Variants in GNG4 observed in about 807,000 individuals in gnomAD.
GNG4 encodes the protein G protein subunit gamma 4, also known as guanine nucleotide-binding protein G(I)/G(S)/G(O) subunit gamma-4.
Under a neutral mutation model 5.8 loss-of-function variants are expected in GNG4, and 4 were observed. The ratio of observed to expected loss-of-function variants is 0.69; its 90% confidence interval spans 0.34 to 1.57. The LOEUF is 1.57. Ranked by LOEUF, GNG4 falls within the 40% of genes most tolerant of loss-of-function variation. The pLI is 0.06. For synonymous variants in GNG4, 29 were observed against 32.9 expected (o/e 0.88, Z 0.41); for missense variants, 96 against 95.1 (o/e 1.01, Z -0.04).
intron 1 of GNG4, among the ~76,000 whole-genome samples, chr1:235,618,731 C>G (rs1203774099): frequency 6.6e-6 from 1 of 151,522 alleles, no homozygotes; most frequent in African/African-American, 2.4e-5. Context: ...TCTCGGCTCA[C>G]TGCAACCTCT....
At chr1:235,560,201 T>C (rs1180852637) in intron 3 of GNG4, among the ~76,000 whole-genome samples, 3 of 152,202 alleles carry the variant, frequency 2.0e-5, no homozygotes, top group Non-Finnish European at 4.4e-5. Context: ...GATGCCATCA[T>C]ATATTGCCGT....
At chr1:235,594,899 G>A (rs775379446) in intron 2 of GNG4, among the ~76,000 whole-genome samples, 46 of 152,222 alleles carry the variant, frequency 3.0e-4, no homozygotes, top group Admixed American at 1.4e-3. Context: ...AGGAGGCGCC[G>A]AGAGCGAGCA....
chr1:235,583,882 C>T, intron 2 of GNG4, 34 bp from the exon 3 acceptor site: 2 of 1,388,576 alleles, frequency 1.4e-6, no homozygotes, highest in Non-Finnish European at 1.0e-6. Context: ...GTTAGAAGAG[C>T]TGCTCTTCCA....
Position 235,567,131 on chromosome 1 carries a change from G to A in GNG4, c.100-14894C>T, listed in dbSNP as rs61836232. Among the ~76,000 whole-genome samples, 8 of 151,656 alleles carry A rather than the reference G, an allele frequency of 5.3e-5. 1 individual carries two copies. The highest frequency in any genetic ancestry group is 4.2e-4 in the South Asian group (2 of 4,812). On this transcript the variant is annotated intron_variant, in intron 3 of 3. Transcript: ENST00000391854. Reference sequence around the variant, plus strand: ...AAAAATTTAGTAGAGATGTGGTCTCGCTATGTTTCCCAGACTGGTCTCAAA... The same window carrying A: ...AAAAATTTAGTAGAGATGTGGTCTCACTATGTTTCCCAGACTGGTCTCAAA...
chr1:235,573,029 T>G (rs998217437), intron 3 of GNG4, among the ~76,000 whole-genome samples: 1 of 152,160 alleles, frequency 6.6e-6, no homozygotes, highest in Non-Finnish European at 1.5e-5. Context: ...CATGCACATG[T>G]ATGTTTATTG....
chr1:235,632,741 A>G (rs748028794), intron 1 of GNG4, among the ~76,000 whole-genome samples: 7 of 152,234 alleles, frequency 4.6e-5, no homozygotes, highest in Non-Finnish European at 1.0e-4. Flanking sequence ...GACTTGGCAC[A>G]TTCCTAGAAT....
rs1225588120 is a variant in GNG4, at chr1:235,562,090, C to A, written c.100-9853G>T. 6.6e-5 allele frequency among the ~76,000 whole-genome samples: 10 copies of A among 152,268 alleles called. No individual in the cohort carries two copies. In the East Asian group the frequency reaches 1.9e-3, roughly 29 times the overall value. ...TCTTTGCTTCATGGTATTGGCTTTGCACCTTTGTCAAAGATCAGCTGGCTA... is the reference window on the plus strand; with the variant it reads ...TCTTTGCTTCATGGTATTGGCTTTGAACCTTTGTCAAAGATCAGCTGGCTA... On this transcript the variant is annotated intron_variant, in intron 3 of 3. Transcript: ENST00000391854.
At chr1:235,575,016 G>T (rs1454151231) in intron 3 of GNG4, among the ~76,000 whole-genome samples, 1 of 152,050 alleles carries the variant, frequency 6.6e-6, no homozygotes, top group Non-Finnish European at 1.5e-5. Context: ...GTAGAGATGG[G>T]ATTTCACCAC....
At chr1:235,617,627 G>A (rs1688622604) in intron 1 of GNG4, among the ~76,000 whole-genome samples, 1 of 152,310 alleles carries the variant, frequency 6.6e-6, no homozygotes, top group East Asian at 1.9e-4. Flanking sequence ...GCTCACGCCT[G>A]TAATCCCAGC....
Position 235,648,269 on chromosome 1 carries a change from G to T in GNG4, c.-123+1393C>A, listed in dbSNP as rs1332431231. Among the ~76,000 whole-genome samples, 2 of 152,126 alleles carry T rather than the reference G, an allele frequency of 1.3e-5. No homozygotes were observed. Among genetic ancestry groups the T allele is most frequent in the Non-Finnish European group, 2.9e-5 (2 of 68,026 alleles). On this transcript the variant is annotated intron_variant, in intron 1 of 3. Coordinates refer to ENST00000391854, the MANE Select transcript of GNG4 (RefSeq NM_001098722.2). This position sits in a 1 kb window ranked among gnomAD's most constrained non-coding sequence, Gnocchi z 5.0. ...CCCATGGTGAGGCTGCTCATTAACAGGCAAGGCATCACTGTAAACCTTGCA... is the reference window on the plus strand; with the variant it reads ...CCCATGGTGAGGCTGCTCATTAACATGCAAGGCATCACTGTAAACCTTGCA...
At chr1:235,637,262 T>G (rs1657132551) in intron 1 of GNG4, among the ~76,000 whole-genome samples, 2 of 151,984 alleles carry the variant, frequency 1.3e-5, no homozygotes, top group Non-Finnish European at 2.9e-5. Context: ...TTACGTGTCC[T>G]TTATTTAAAA....
At position 235,632,767 on chromosome 1, in the gene GNG4, C is replaced by A. The variant is rs80310561; in HGVS notation, c.-123+16895G>T. Among the ~76,000 whole-genome samples, 1,046 of 152,142 alleles carry A rather than the reference C, an allele frequency of 6.9e-3. 39 individuals are homozygous for A. Among genetic ancestry groups the A allele is most frequent in the East Asian group, 0.059 (303 of 5,176 alleles). On this transcript the variant is annotated intron_variant, in intron 1 of 3. Coordinates refer to ENST00000391854, the MANE Select transcript of GNG4 (RefSeq NM_001098722.2). ...TTCCTAGAATATTAGACATTGTCAT[C>A]GGCCTTTGTTGAGATTAAGTAACAA...
At chr1:235,611,677 A>C (rs1688476904) in intron 1 of GNG4, among the ~76,000 whole-genome samples, 1 of 152,172 alleles carries the variant, frequency 6.6e-6, no homozygotes, top group Non-Finnish European at 1.5e-5. Context: ...GAAAGAGCCC[A>C]CTAACTTTCT....
chr1:235,591,218 T>C (rs2841893), intron 2 of GNG4, among the ~76,000 whole-genome samples: 107,099 of 151,884 alleles, frequency 0.71, 39,577 homozygotes, highest in African/African-American at 0.92. Context: ...CCACTGCTCC[T>C]GGCTCATTAC....
intron 3 of GNG4, among the ~76,000 whole-genome samples, chr1:235,572,399 C>T (rs562274027): frequency 5.4e-4 from 82 of 152,006 alleles, no homozygotes; most frequent in Non-Finnish European, 1.0e-3. Context: ...GGGGTTTCAC[C>T]ATCTTGGCCA....
intron 3 of GNG4, among the ~76,000 whole-genome samples, chr1:235,560,281 A>G (rs1434354899): frequency 1.5e-4 from 23 of 152,214 alleles, no homozygotes; most frequent in Non-Finnish European, 1.5e-5. Context: ...GTGAGGCCTA[A>G]TGAGAAGTTA....
chr1:235,636,069 C>G (rs529139621), intron 1 of GNG4, among the ~76,000 whole-genome samples: 4 of 152,280 alleles, frequency 2.6e-5, no homozygotes, highest in African/African-American at 9.6e-5. Flanking sequence ...GAACCCTCCT[C>G]TTGCTAGACA....
chr1:235,624,579 G>A (rs1027424291), intron 1 of GNG4, among the ~76,000 whole-genome samples: 1 of 152,138 alleles, frequency 6.6e-6, no homozygotes, highest in Non-Finnish European at 1.5e-5. Context: ...CAAGAAGAAT[G>A]AATTTTCTAT....
rs1321425982 is a variant in GNG4, at chr1:235,621,282, TTTTTC to T, written c.-122-25776_-122-25772del. On this transcript the variant is annotated intron_variant, in intron 1 of 3. Transcript: ENST00000391854. Reference sequence around the variant, plus strand: ...TTTTTCTTTCCTTTTTTTCTTTTTCTTTTTCTTTTCTTTTCTTTTTTTTTTTTGAG... The same window carrying T: ...TTTTTCTTTCCTTTTTTTCTTTTTCTTTTTCTTTTCTTTTTTTTTTTTGAG... Among the ~76,000 whole-genome samples the T allele has an allele frequency of 2.5e-4, 36 of 141,832 alleles. No individual in the cohort carries two copies. The East Asian group carries it at 3.1e-3, about 12-fold the overall frequency. The allele number at this position is 141,832 out of a possible 152,430, so 93.0% of individuals were successfully genotyped here. A position where few individuals can be genotyped will look rare whatever the true frequency, so the allele number is the denominator to read the frequency against.
Sources: allele counts gnomAD v4.1 joint callset (sites outside exome capture counted in the v4.1 genomes callset), GRCh38; gene constraint gnomAD v4.1.1; non-coding constraint Gnocchi (gnomAD v3.1); transcripts MANE v1.5; gene names NCBI Gene and HGNC (gene_info 2026-07-23, HGNC 2026-07-21).